The following SPPL3 variants were observed in gnomAD, a reference collection of about 807,000 sequenced individuals.
SPPL3 encodes signal peptide peptidase-like 3.
SPPL3 carries 5 observed loss-of-function variants against 42.4 expected under a neutral mutation model. The ratio of observed to expected loss-of-function variants is 0.12; its 90% CI spans 0.06 to 0.25. The LOEUF (loss-of-function observed/expected upper bound fraction) is 0.25, where lower values mean the gene tolerates loss of function less well. Among genes scored for constraint, SPPL3 ranks in the 10% least tolerant of loss-of-function variants. SPPL3 has a pLI of 1.00. For synonymous variants in SPPL3, 195 were observed against 181.8 expected (o/e 1.07, Z -0.58); for missense variants, 235 against 489.0 (o/e 0.48, Z 4.90).
At chr12:120,779,997 C>CA (rs63515160) in intron 6 of SPPL3, among the ~76,000 whole-genome samples, 9,977 of 119,776 alleles carry the variant, frequency 0.083, 426 homozygotes, top group Middle Eastern at 0.13. Context: ...GACTCCATCT[C>CA]AAAAAAAAAA....
At chr12:120,791,261 C>A (rs1869906044) in intron 3 of SPPL3, among the ~76,000 whole-genome samples, 1 of 152,156 alleles carries the variant, frequency 6.6e-6, no homozygotes, top group Non-Finnish European at 1.5e-5. Context: ...ACTTCAAATT[C>A]AAATCTTTCT....
chr12:120,878,161 A>C (rs1873167061), intron 1 of SPPL3, among the ~76,000 whole-genome samples: 1 of 152,214 alleles, frequency 6.6e-6, no homozygotes, highest in African/African-American at 2.4e-5. Context: ...ATCTTAATTA[A>C]AACAACAAAA....
chr12:120,852,794 TC>T (rs1872290631), intron 1 of SPPL3, among the ~76,000 whole-genome samples: 2 of 11,444 alleles, frequency 1.7e-4, no homozygotes, highest in Non-Finnish European at 1.1e-3. Context: ...ATTTCATATA[TC>T]ATATATACAT....
At chr12:120,842,129 T>C (rs1871851822) in intron 1 of SPPL3, among the ~76,000 whole-genome samples, 3 of 152,290 alleles carry the variant, frequency 2.0e-5, no homozygotes, top group South Asian at 2.1e-4. Flanking sequence ...AAATAAATGG[T>C]TTAAAATTGT....
chr12:120,860,715 G>GGA (rs1221197183), intron 1 of SPPL3, among the ~76,000 whole-genome samples: 1 of 152,162 alleles, frequency 6.6e-6, no homozygotes, highest in East Asian at 1.9e-4. Context: ...GAGAGAGGAA[G>GGA]GAGAAATTAG....
intron 6 of SPPL3, among the ~76,000 whole-genome samples, chr12:120,780,769 T>C (rs1174009191): frequency 1.3e-5 from 2 of 149,228 alleles, no homozygotes; most frequent in Non-Finnish European, 3.0e-5. Context: ...AAAAATTAGC[T>C]GGGCATGGTG....
chr12:120,832,509 T>C (rs552783568), intron 1 of SPPL3, among the ~76,000 whole-genome samples: 1 of 152,018 alleles, frequency 6.6e-6, no homozygotes, highest in East Asian at 1.9e-4. Flanking sequence ...CCATCTCTAC[T>C]AAAAATGCAA....
At chr12:120,848,228 A>G (rs1872107951) in intron 1 of SPPL3, among the ~76,000 whole-genome samples, 1 of 152,216 alleles carries the variant, frequency 6.6e-6, no homozygotes, top group African/African-American at 2.4e-5. Context: ...AACTATAAGC[A>G]AAGTTGTATT....
chr12:120,810,957 G>C (rs769533706), intron 1 of SPPL3, 71 bp from the exon 2 acceptor site: 2 of 1,134,518 alleles, frequency 1.8e-6, no homozygotes, highest in Non-Finnish European at 2.6e-6. Context: ...GTCTAATGGA[G>C]TTCTATAAAC....
intron 1 of SPPL3, among the ~76,000 whole-genome samples, chr12:120,893,782 T>C (rs537492921): frequency 6.6e-6 from 1 of 152,294 alleles, no homozygotes; most frequent in South Asian, 2.1e-4. Context: ...CTGATTCCTC[T>C]TCTTCCTGAC....
chr12:120,778,282 A>G (rs1305792290), intron 6 of SPPL3, among the ~76,000 whole-genome samples: 1 of 151,812 alleles, frequency 6.6e-6, no homozygotes, highest in African/African-American at 2.4e-5. Context: ...ACACCTGGCT[A>G]ATTTTTGAAC....
chr12:120,838,996 T>A (rs1377042079), intron 1 of SPPL3, among the ~76,000 whole-genome samples: 1 of 152,090 alleles, frequency 6.6e-6, no homozygotes, highest in Non-Finnish European at 1.5e-5. Flanking sequence ...GACCCAGCCA[T>A]CCCATTACTG....
intron 1 of SPPL3, among the ~76,000 whole-genome samples, chr12:120,847,379 G>A (rs540173061): frequency 6.6e-6 from 1 of 152,146 alleles, no homozygotes; most frequent in East Asian, 1.9e-4. Context: ...TGCAACCTCT[G>A]CCTCCTGGGT....
At chr12:120,789,581 T>C (rs192016026) in intron 3 of SPPL3, among the ~76,000 whole-genome samples, 12 of 151,878 alleles carry the variant, frequency 7.9e-5, no homozygotes, top group African/African-American at 2.2e-4. Context: ...TCCCAGCACT[T>C]TGGAAGGCCG....
intron 6 of SPPL3, 93 bp from the exon 7 acceptor site, chr12:120,769,152 A>G (rs1408231834): frequency 4.0e-6 from 4 of 1,001,190 alleles, no homozygotes; most frequent in African/African-American, 1.6e-5. Flanking sequence ...AGAGTTTGCA[A>G]TTCCCTCAAA....
At position 120,903,713 on chromosome 12, in the gene SPPL3, G is replaced by A. The variant is rs116203952; in HGVS notation, c.23+132C>T. On this transcript the variant is annotated intron_variant, in intron 1 of 10. Coordinates refer to ENST00000353487, the MANE Select transcript of SPPL3 (RefSeq NM_139015.5). ...CGCCCCCTCCGGTGGGGAAGAGGGGGGCGTGCACCCCAACCCGCGCCCCCC... is the reference window on the plus strand; with the variant it reads ...CGCCCCCTCCGGTGGGGAAGAGGGGAGCGTGCACCCCAACCCGCGCCCCCC... 308 of 764,678 alleles carry A rather than the reference G, an allele frequency of 4.0e-4. 1 individual carries two copies. The African/African-American group carries it at 5.2e-3, about 13-fold the overall frequency. 47.4% of individuals were successfully genotyped at this position (764,678 alleles called of 1,614,324 possible).
chr12:120,872,356 G>C (rs1872958578), intron 1 of SPPL3, among the ~76,000 whole-genome samples: 1 of 152,240 alleles, frequency 6.6e-6, no homozygotes, highest in East Asian at 1.9e-4. Flanking sequence ...TTAGACACTG[G>C]GCAAAAAGTA....
intron 1 of SPPL3, among the ~76,000 whole-genome samples, chr12:120,847,203 T>C (rs1340688788): frequency 1.3e-5 from 2 of 152,114 alleles, no homozygotes; most frequent in African/African-American, 4.8e-5. Flanking sequence ...AGATGTAACA[T>C]CAATTTCAAC....
chr12:120,844,063 T>C (rs1871933156), intron 1 of SPPL3, among the ~76,000 whole-genome samples: 1 of 152,254 alleles, frequency 6.6e-6, no homozygotes, highest in South Asian at 2.1e-4. Context: ...CTTCCTGGAA[T>C]GCCAGTCATA....
Sources: allele counts gnomAD v4.1 joint callset (sites outside exome capture counted in the v4.1 genomes callset), GRCh38; gene constraint gnomAD v4.1.1; transcripts MANE v1.5; gene names NCBI Gene and HGNC (gene_info 2026-07-23, HGNC 2026-07-21).